The following ZNF676 variants were observed in gnomAD, a reference collection of about 807,000 sequenced individuals.
ZNF676 encodes zinc finger protein 676.
In ZNF676, 4 loss-of-function variants were observed where a neutral mutation model predicts 6.0. That is an observed-to-expected ratio of 0.67 (90% CI 0.33 to 1.53). The LOEUF (loss-of-function observed/expected upper bound fraction) is 1.53. Among genes scored for constraint, ZNF676 ranks in the 40% most tolerant of loss-of-function variants. ZNF676 has a pLI of 0.06. For missense variants in ZNF676, 644 were observed against 679.7 expected, an observed-to-expected ratio of 0.95 and a Z score of 0.58; for synonymous variants, 198 against 223.1, an observed-to-expected ratio of 0.89 and a Z score of 1.00.
the ZNF676 span, among the ~76,000 whole-genome samples, chr19:22,231,584 T>C: frequency 7.0e-6 from 1 of 143,012 alleles, no homozygotes; most frequent in African/African-American, 2.8e-5. Context: ...GTCAAAATAA[T>C]GTTACTTTAG....
intron 1 of ZNF676, among the ~76,000 whole-genome samples, chr19:22,193,319 C>A (rs1568529756): frequency 6.6e-6 from 1 of 152,112 alleles, no homozygotes; most frequent in Non-Finnish European, 1.5e-5. Context: ...AATTCACAAA[C>A]ATTAAGCTTC....
upstream of ZNF676, chr19:22,215,796 GT>G (rs2024179380): frequency 1.5e-6 from 1 of 664,596 alleles, no homozygotes; most frequent in South Asian, 1.9e-5. Flanking sequence ...AAGCCGACCT[GT>G]CCCCCCCCCC....
intron 2 of ZNF676, among the ~76,000 whole-genome samples, chr19:22,186,397 G>T (rs2023840427): frequency 6.6e-6 from 1 of 152,084 alleles, no homozygotes. Context: ...ACATCAAAAG[G>T]AACAACTGGT....
the ZNF676 span, among the ~76,000 whole-genome samples, chr19:22,233,832 C>G: frequency 6.6e-6 from 1 of 152,354 alleles, no homozygotes; most frequent in South Asian, 2.1e-4. Context: ...GTCAACAAAA[C>G]AGGTCATCCT....
chr19:22,222,041 A>G, the ZNF676 span, among the ~76,000 whole-genome samples: 16 of 152,158 alleles, frequency 1.1e-4, no homozygotes, highest in African/African-American at 3.4e-4. Flanking sequence ...TTCTTAAGGG[A>G]CAACTTAGGT....
the ZNF676 span, among the ~76,000 whole-genome samples, chr19:22,225,322 T>A: frequency 1.3e-5 from 2 of 151,916 alleles, no homozygotes; most frequent in East Asian, 3.9e-4. Flanking sequence ...TCCATGTATG[T>A]GTATGTTAAA....
At chr19:22,185,721 A>T (rs1449104829) in intron 2 of ZNF676, among the ~76,000 whole-genome samples, 2 of 152,220 alleles carry the variant, frequency 1.3e-5, no homozygotes, top group African/African-American at 4.8e-5. Context: ...ACAGCACGAG[A>T]ACTTTGTGAA....
the ZNF676 span, among the ~76,000 whole-genome samples, chr19:22,237,858 T>C: frequency 6.6e-6 from 1 of 152,312 alleles, no homozygotes; most frequent in East Asian, 1.9e-4. Flanking sequence ...ATCAGTGTCC[T>C]CACTTTAACA....
At chr19:22,205,881 TA>T (rs932900878) in intron 1 of ZNF676, among the ~76,000 whole-genome samples, 1 of 151,218 alleles carries the variant, frequency 6.6e-6, no homozygotes, top group Non-Finnish European at 1.5e-5. Context: ...TAAATCTATT[TA>T]AAAAAAGTAA....
chr19:22,259,274 GGAA>G, the ZNF676 span, among the ~76,000 whole-genome samples: 1 of 152,300 alleles, frequency 6.6e-6, no homozygotes, highest in South Asian at 2.1e-4. Context: ...GCAGGACTCA[GGAA>G]GAAGAGAAGA....
At chr19:22,182,593 A>AAAAAAAAAAAAAAAAAAAAAAAAAAAAAC (rs1356303631) in intron 2 of ZNF676, among the ~76,000 whole-genome samples, 17 of 90,928 alleles carry the variant, frequency 1.9e-4, no homozygotes, top group African/African-American at 5.4e-4. Context: ...TCTAAAAAAA[A>AAAAAAAAAAAAAAAAAAAAAAAAAAAAAC]AAAAAAAAAG....
chr19:22,213,263 G>T (rs1402104789), intron 1 of ZNF676, among the ~76,000 whole-genome samples: 1 of 152,072 alleles, frequency 6.6e-6, no homozygotes, highest in African/African-American at 2.4e-5. Context: ...TTTGTCTTTG[G>T]AGTGCTATTT....
chr19:22,252,998 G>C, the ZNF676 span, among the ~76,000 whole-genome samples: 1 of 152,082 alleles, frequency 6.6e-6, no homozygotes, highest in Non-Finnish European at 1.5e-5. Context: ...CTGTATGTTG[G>C]GTATAGGTGT....
At chr19:22,214,381 G>A (rs1568537059) in intron 1 of ZNF676, among the ~76,000 whole-genome samples, 1 of 151,998 alleles carries the variant, frequency 6.6e-6, no homozygotes, top group African/African-American at 2.4e-5. Flanking sequence ...TTGGGAGGCC[G>A]AGGCGGGTGG....
At chr19:22,222,570 G>A in the ZNF676 span, among the ~76,000 whole-genome samples, 2 of 152,136 alleles carry the variant, frequency 1.3e-5, no homozygotes, top group African/African-American at 4.8e-5. Context: ...CATTGACAAT[G>A]GGGACAATAT....
At chr19:22,215,708 G>C in exon 1 of ZNF676, 1 of 1,570,312 alleles carries the variant, frequency 6.4e-7, no homozygotes, top group South Asian at 1.1e-5. Flanking sequence ...GGCCACAGAG[G>C]CTGGGACTCT....
chr19:22,192,954 G>A, intron 2 of ZNF676, 62 bp downstream of exon 2: 1 of 1,500,132 alleles, frequency 6.7e-7, no homozygotes, highest in East Asian at 2.5e-5. Context: ...TGACTTTAAG[G>A]ACTGGCTTCC....
chr19:22,183,501 T>C (rs1218585977), intron 2 of ZNF676, among the ~76,000 whole-genome samples: 1 of 152,058 alleles, frequency 6.6e-6, no homozygotes, highest in African/African-American at 2.4e-5. Context: ...ACACTACCAG[T>C]TAATTTATGT....
At position 22,179,573 on chromosome 19, in the gene ZNF676, G is replaced by C. The variant is rs1419499641; in HGVS notation, c.*377C>G. 4.5e-6 allele frequency: 2 copies of C among 445,094 alleles called. No individual in the cohort carries two copies. The highest frequency in any genetic ancestry group is 3.2e-5 in the Admixed American group (1 of 31,282). 27.6% of individuals were successfully genotyped at this position (445,094 alleles called of 1,614,324 possible). A position where few individuals can be genotyped will look rare whatever the true frequency, so the allele number is the denominator to read the frequency against. ...TATAAATTCCCTTATGTTCAGTAAG[G>C]GTTGAGAACTAATGAAAAGCTTTGC... On this transcript the variant is annotated 3_prime_UTR_variant, in exon 3 of 3. Coordinates refer to ENST00000397121, the MANE Select transcript of ZNF676 (RefSeq NM_001001411.3).
Sources: allele counts gnomAD v4.1 joint callset (sites outside exome capture counted in the v4.1 genomes callset), GRCh38; gene constraint gnomAD v4.1.1; transcripts MANE v1.5; gene names NCBI Gene and HGNC (gene_info 2026-07-23, HGNC 2026-07-21).